The following IQGAP2 variants were observed in gnomAD, a reference collection of about 807,000 sequenced individuals.
IQGAP2 encodes the protein ras GTPase-activating-like protein IQGAP2.
In IQGAP2, 173 loss-of-function variants were observed where a neutral mutation model predicts 201.3. The observed-to-expected ratio is 0.86, with a 90% CI of 0.76 to 0.98. IQGAP2 has a LOEUF of 0.98. Among genes scored for constraint, IQGAP2 ranks in the 50% least tolerant of loss-of-function variants. The pLI is 0.00. For synonymous variants in IQGAP2, 675 were observed against 673.9 expected (o/e 1.00, Z -0.03); for missense variants, 1,687 against 1,864.8 (o/e 0.90, Z 1.76).
intron 1 of IQGAP2, chr5:76,404,433 A>G: frequency 1.0e-6 from 1 of 984,052 alleles, no homozygotes; most frequent in Non-Finnish European, 1.2e-6. Flanking sequence ...TAAAACAAAC[A>G]GAAAGTTGGC....
intron 3 of IQGAP2, among the ~76,000 whole-genome samples, chr5:76,567,111 C>T (rs1423359606): frequency 6.6e-6 from 1 of 152,188 alleles, no homozygotes; most frequent in African/African-American, 2.4e-5. Flanking sequence ...AAGGCATGCA[C>T]ACAGTGGTTA....
At chr5:76,474,763 C>G (rs538968696) in intron 2 of IQGAP2, among the ~76,000 whole-genome samples, 3 of 152,280 alleles carry the variant, frequency 2.0e-5, no homozygotes, top group South Asian at 4.1e-4. Flanking sequence ...GAGGATCACT[C>G]CTGACCCTAT....
intron 1 of IQGAP2, among the ~76,000 whole-genome samples, chr5:76,420,844 G>T (rs1028813018): frequency 1.3e-5 from 2 of 152,192 alleles, no homozygotes; most frequent in African/African-American, 4.8e-5. Flanking sequence ...GGTCTTTTAT[G>T]TCTGGCTTGT....
intron 11 of IQGAP2, among the ~76,000 whole-genome samples, chr5:76,602,510 T>C (rs1747497098): frequency 6.6e-6 from 1 of 152,200 alleles, no homozygotes; most frequent in Admixed American, 6.5e-5. Flanking sequence ...ATACCTGTAG[T>C]TTCCAGCTGG....
chr5:76,491,035 T>A (rs1253236798), intron 2 of IQGAP2, among the ~76,000 whole-genome samples: 1 of 150,898 alleles, frequency 6.6e-6, no homozygotes, highest in Non-Finnish European at 1.5e-5. Context: ...AGCTGGAAAC[T>A]TTCATGGCAT....
At chr5:76,412,053 T>C (rs943560733) in intron 1 of IQGAP2, among the ~76,000 whole-genome samples, 1 of 152,206 alleles carries the variant, frequency 6.6e-6, no homozygotes, top group Admixed American at 6.5e-5. Flanking sequence ...TACAGTGTTA[T>C]TCATTTATTC....
In IQGAP2 at chr5:76,592,707, C is replaced by T. The variant is rs560073311; in HGVS notation, c.820-131C>T. 30 of 675,628 alleles carry T rather than the reference C, an allele frequency of 4.4e-5. 1 individual carries two copies. In the South Asian group the frequency reaches 5.2e-4, roughly 12 times the overall value. The allele number at this position is 675,628 out of a possible 1,614,324, so 41.9% of individuals were successfully genotyped here. ...AGTCCCCTGCACAGAGCAGGCACTC[C>T]ACAAATGCTTGCAATGAATTTAAAT... On this transcript the variant is annotated intron_variant, in intron 8 of 35. Coordinates refer to ENST00000274364, the MANE Select transcript of IQGAP2 (RefSeq NM_006633.5).
chr5:76,703,633 C>T (rs1290141617), intron 35 of IQGAP2, among the ~76,000 whole-genome samples: 4 of 135,052 alleles, frequency 3.0e-5, no homozygotes, highest in East Asian at 2.1e-4. Context: ...AAATGAAAAC[C>T]GAGAAATCCA....
chr5:76,445,842 G>C (rs898187907), intron 1 of IQGAP2, among the ~76,000 whole-genome samples: 1 of 152,030 alleles, frequency 6.6e-6, no homozygotes, highest in Non-Finnish European at 1.5e-5. Context: ...TGAACGCCCC[G>C]TTCTCTCCTC....
intron 1 of IQGAP2, among the ~76,000 whole-genome samples, chr5:76,437,784 C>T (rs1322432672): frequency 6.6e-6 from 1 of 152,102 alleles, no homozygotes; most frequent in Non-Finnish European, 1.5e-5. Context: ...CATGGGTGGG[C>T]ATTTGGGTTG....
At chr5:76,628,708 A>G (rs1750455249) in intron 14 of IQGAP2, 1 of 456,250 alleles carries the variant, frequency 2.2e-6, no homozygotes, top group Non-Finnish European at 4.4e-6. Context: ...CCTCGGAAGC[A>G]TCTGTGAGAA....
chr5:76,417,333 A>G (rs1056734099), intron 1 of IQGAP2, among the ~76,000 whole-genome samples: 1 of 152,242 alleles, frequency 6.6e-6, no homozygotes, highest in Non-Finnish European at 1.5e-5. Flanking sequence ...TCTGTCACCC[A>G]GGCTGGAGTA....
intron 3 of IQGAP2, among the ~76,000 whole-genome samples, chr5:76,567,456 A>G (rs917045723): frequency 5.9e-5 from 9 of 152,246 alleles, no homozygotes; most frequent in African/African-American, 2.2e-4. Context: ...TAATAACAAC[A>G]GTATCTGCCT....
chr5:76,621,051 C>T (rs1218031020), intron 13 of IQGAP2, among the ~76,000 whole-genome samples: 1 of 152,174 alleles, frequency 6.6e-6, no homozygotes, highest in African/African-American at 2.4e-5. Flanking sequence ...AAATATAAAC[C>T]TCATTCTTAT....
At chr5:76,561,063 CT>C (rs1002726575) in intron 2 of IQGAP2, among the ~76,000 whole-genome samples, 2 of 152,166 alleles carry the variant, frequency 1.3e-5, no homozygotes, top group Non-Finnish European at 2.9e-5. Flanking sequence ...TGCACTTACC[CT>C]TCTTGTGATG....
At chr5:76,436,492 TATATATATATATATATATATATATA>T (rs1415592943) in intron 1 of IQGAP2, among the ~76,000 whole-genome samples, 474 of 17,004 alleles carry the variant, frequency 0.028, 14 homozygotes, top group African/African-American at 0.12. Context: ...TATATATATA[TATATATATATATATATATATATATA>T]TTTTTTTTTT....
intron 1 of IQGAP2, among the ~76,000 whole-genome samples, chr5:76,438,330 C>T (rs1481804535): frequency 1.3e-5 from 2 of 152,058 alleles, no homozygotes; most frequent in Admixed American, 1.3e-4. Context: ...TGTATGTTTC[C>T]AGGAATTCAT....
At position 76,570,599 on chromosome 5, in the gene IQGAP2, G is replaced by A. The variant is rs764865648; in HGVS notation, c.323G>A (p.Arg108Gln). ...TRYKKSGLHF[R>Q]HTDNTVQWLR... ...CTTTAGAAGTCTGGCCTTCATTTTC[G>A]ACACACAGATAATACCGTCCAGTGG... The change falls in exon 4 of 36, where the codon CGA becomes CAA. Residue 108 changes from arginine (R) to glutamine (Q), a missense_variant. By Grantham distance (43) the Arg-to-Gln change is conservative. Transcript: ENST00000274364. 5.6e-6 allele frequency: 9 copies of A among 1,613,158 alleles called. No homozygotes were observed. The highest frequency in any genetic ancestry group is 1.6e-4 in the Middle Eastern group (1 of 6,084).
At chr5:76,595,768 A>AG (rs1746988309) in intron 9 of IQGAP2, among the ~76,000 whole-genome samples, 2 of 144,294 alleles carry the variant, frequency 1.4e-5, no homozygotes, top group South Asian at 4.4e-4. Context: ...CAAAAAAAGA[A>AG]AGAGAGAGAG....
Sources: gnomAD v4.1 joint callset for allele counts (sites outside exome capture counted in the v4.1 genomes callset) on GRCh38, gnomAD v4.1.1 for gene constraint, MANE v1.5 for transcripts, NCBI Gene and HGNC (gene_info 2026-07-23, HGNC 2026-07-21) for gene names.